Variants in ST3GAL1 observed in about 807,000 individuals in gnomAD.
ST3GAL1 encodes the protein CMP-N-acetylneuraminate-beta-galactosamide-alpha-2,3-sialyltransferase 1.
In ST3GAL1, 16 loss-of-function variants were observed where a neutral mutation model predicts 34.1. The observed-to-expected ratio is 0.47, with a 90% CI of 0.32 to 0.71. The LOEUF (loss-of-function observed/expected upper bound fraction) is 0.71, where lower values mean the gene tolerates loss of function less well. Among genes scored for constraint, ST3GAL1 ranks in the 30% least tolerant of loss-of-function variants. The pLI, the probability that ST3GAL1 is intolerant of heterozygous loss-of-function variation, is 0.04. For synonymous variants in ST3GAL1, 191 were observed against 184.7 expected (o/e 1.03, Z -0.28); for missense variants, 353 against 447.4 (o/e 0.79, Z 1.90).
At chr8:133,562,846 CTTTCTT>C (rs1819282830) in intron 1 of ST3GAL1, among the ~76,000 whole-genome samples, 1 of 56,304 alleles carries the variant, frequency 1.8e-5, no homozygotes, top group Non-Finnish European at 4.4e-5. Context: ...TCCTTCCTTT[CTTTCTT>C]TTTTTTTTTT....
intron 1 of ST3GAL1, among the ~76,000 whole-genome samples, chr8:133,559,866 G>A (rs143625422): frequency 2.1e-4 from 32 of 152,148 alleles, no homozygotes; most frequent in East Asian, 7.7e-4. Flanking sequence ...CAAACCCCCC[G>A]GCAGGCTCAA....
At chr8:133,536,496 T>C (rs953564927) in intron 2 of ST3GAL1, among the ~76,000 whole-genome samples, 3 of 152,210 alleles carry the variant, frequency 2.0e-5, no homozygotes, top group Admixed American at 6.5e-5. Flanking sequence ...TCTTGGGACA[T>C]TGGCATTGTA....
chr8:133,496,816 C>G (rs1816961475), intron 3 of ST3GAL1, among the ~76,000 whole-genome samples: 2 of 152,208 alleles, frequency 1.3e-5, no homozygotes, highest in African/African-American at 4.8e-5. Flanking sequence ...GGCCACGGCA[C>G]CCAAGGGGGA....
chr8:133,461,784 G>A lies in ST3GAL1; in HGVS notation c.849+91C>T, dbSNP rs1312569433. 2 of 1,562,866 alleles carry A rather than the reference G, an allele frequency of 1.3e-6. No individual in the cohort carries two copies. Among genetic ancestry groups the A allele is most frequent in the Non-Finnish European group, 1.7e-6 (2 of 1,146,624 alleles). On this transcript the variant is annotated intron_variant, in intron 9 of 9. Transcript: ENST00000522652. The surrounding 1 kb of genome is among the most constrained non-coding windows in gnomAD (Gnocchi z 4.7). ...CGAGCTTCCGGAAGAGGCAGGCTAGGTCTACCTGCCCTCCCCCTCCCTGGC... is the reference window on the plus strand; with the variant it reads ...CGAGCTTCCGGAAGAGGCAGGCTAGATCTACCTGCCCTCCCCCTCCCTGGC...
intron 3 of ST3GAL1, among the ~76,000 whole-genome samples, chr8:133,478,579 C>T (rs889884013): frequency 6.6e-6 from 1 of 152,200 alleles, no homozygotes; most frequent in East Asian, 1.9e-4. Flanking sequence ...ATGTGACTGA[C>T]CCAGAGGTCA....
chr8:133,479,795 C>T (rs1816315526), intron 3 of ST3GAL1, among the ~76,000 whole-genome samples: 1 of 152,174 alleles, frequency 6.6e-6, no homozygotes, highest in Non-Finnish European at 1.5e-5. Flanking sequence ...GGGCACTCCC[C>T]ATAACCATCA....
intron 7 of ST3GAL1, 129 bp downstream of exon 7, chr8:133,464,649 T>C: frequency 3.1e-6 from 3 of 982,312 alleles, no homozygotes; most frequent in South Asian, 1.6e-5. Context: ...ACTGGGCTTG[T>C]GTGTGCCGGA....
rs568998731 is a variant in ST3GAL1 at position 133,514,622 on chromosome 8, G to A, written c.-428-15433C>T. The stretch of plus-strand genomic sequence containing the variant: ...GCTGCCCTCCCACGACAGAAGCAAG[G>A]GCTCCCTAGAAGCTCCTCGTACTCC... On this transcript the variant is annotated intron_variant, in intron 2 of 9. Coordinates refer to ENST00000522652, the MANE Select transcript of ST3GAL1 (RefSeq NM_173344.3). 9.9e-5 allele frequency among the ~76,000 whole-genome samples: 15 copies of A among 152,200 alleles called. No homozygotes were observed. The South Asian group carries it at 1.7e-3, about 17-fold the overall frequency.
At chr8:133,522,715 A>C (rs933030332) in intron 2 of ST3GAL1, among the ~76,000 whole-genome samples, 11 of 152,296 alleles carry the variant, frequency 7.2e-5, no homozygotes, top group Admixed American at 6.5e-5. Context: ...GAAGACAAAC[A>C]TAACACTGGC....
chr8:133,469,288 G>A lies in ST3GAL1; in HGVS notation c.307-3198C>T, dbSNP rs987568533. 2.6e-5 allele frequency among the ~76,000 whole-genome samples: 4 copies of A among 152,032 alleles called. No homozygotes were observed. The highest frequency in any genetic ancestry group is 7.2e-5 in the African/African-American group (3 of 41,384). On this transcript the variant is annotated intron_variant, in intron 5 of 9. Coordinates refer to ENST00000522652, the MANE Select transcript of ST3GAL1 (RefSeq NM_173344.3). The surrounding 1 kb of genome is among the most constrained non-coding windows in gnomAD (Gnocchi z 4.3). ...GGCTGGAATGCAGTGGTGCGATCTC[G>A]GCTCACTGCAACCTCTACCTCCTGG...
At chr8:133,569,870 T>C (rs1819513998) in intron 1 of ST3GAL1, among the ~76,000 whole-genome samples, 1 of 152,236 alleles carries the variant, frequency 6.6e-6, no homozygotes, top group African/African-American at 2.4e-5. Flanking sequence ...CGCCCGCAGC[T>C]TCTACGAACA....
rs1023143083 is a variant in ST3GAL1 at position 133,458,193 on chromosome 8, A to G, written c.*1571T>C. 2.6e-5 allele frequency: 4 copies of G among 152,152 alleles called. No homozygotes were observed. The highest frequency in any genetic ancestry group is 9.7e-5 in the African/African-American group (4 of 41,418). 9.4% of individuals were successfully genotyped at this position (152,152 alleles called of 1,614,324 possible). A position where few individuals can be genotyped will look rare whatever the true frequency, so the allele number is the denominator to read the frequency against. ...ATATCCCACGTCCGAGGACTCCTACAAACCTCCCTTAAGCACCCCCACCTA... is the reference window on the plus strand; with the variant it reads ...ATATCCCACGTCCGAGGACTCCTACGAACCTCCCTTAAGCACCCCCACCTA... On this transcript the variant is annotated 3_prime_UTR_variant, in exon 10 of 10. Transcript: ENST00000522652.
At chr8:133,465,050 C>G (rs1404687971) in intron 6 of ST3GAL1, 93 bp from the exon 7 acceptor site, 1 of 1,344,086 alleles carries the variant, frequency 7.4e-7, no homozygotes, top group East Asian at 2.4e-5. Context: ...TCCAGTGTGA[C>G]TTCAGGGGTG....
intron 2 of ST3GAL1, among the ~76,000 whole-genome samples, chr8:133,543,493 A>AC: frequency 6.6e-6 from 1 of 152,314 alleles, no homozygotes; most frequent in Middle Eastern, 3.4e-3. Flanking sequence ...AAAAATGAAC[A>AC]TAATAAAATG....
intron 3 of ST3GAL1, among the ~76,000 whole-genome samples, chr8:133,492,598 T>A (rs553269990): frequency 2.6e-5 from 4 of 152,266 alleles, no homozygotes; most frequent in African/African-American, 9.6e-5. Context: ...GGCATGTGCC[T>A]GTAATCCCAG....
At chr8:133,543,398 CAAATT>C (rs1818590104) in intron 2 of ST3GAL1, among the ~76,000 whole-genome samples, 1 of 151,996 alleles carries the variant, frequency 6.6e-6, no homozygotes, top group African/African-American at 2.4e-5. Context: ...AGATAATAGT[CAAATT>C]AATGTTAAGT....
At chr8:133,513,155 T>C (rs7842555) in intron 2 of ST3GAL1, among the ~76,000 whole-genome samples, 7,180 of 152,294 alleles carry the variant, frequency 0.047, 202 homozygotes, top group African/African-American at 0.088. Context: ...AGGCACAGGA[T>C]GAGGGGACAC....
At chr8:133,543,577 C>T (rs1031969742) in intron 2 of ST3GAL1, among the ~76,000 whole-genome samples, 1 of 151,608 alleles carries the variant, frequency 6.6e-6, no homozygotes, top group African/African-American at 2.4e-5. Context: ...TATAAATTTG[C>T]ATTTATATAA....
intron 1 of ST3GAL1, among the ~76,000 whole-genome samples, chr8:133,567,740 G>C (rs1485260725): frequency 1.3e-5 from 2 of 152,178 alleles, no homozygotes; most frequent in Non-Finnish European, 2.9e-5. Flanking sequence ...TGAGAGGGGA[G>C]ATGCCCTTGG....
Sources: allele counts gnomAD v4.1 joint callset (sites outside exome capture counted in the v4.1 genomes callset), GRCh38; gene constraint gnomAD v4.1.1; non-coding constraint Gnocchi (gnomAD v3.1); transcripts MANE v1.5; gene names NCBI Gene and HGNC (gene_info 2026-07-23, HGNC 2026-07-21).